Variants in ASAH1 observed in about 807,000 individuals in gnomAD.
ASAH1 encodes N-acylsphingosine amidohydrolase 1, also known as acid ceramidase.
Under a neutral mutation model 59.5 loss-of-function variants are expected in ASAH1, and 70 were observed. The observed-to-expected ratio is 1.18, with a 90% CI of 0.97 to 1.43. ASAH1 has a LOEUF of 1.43. ASAH1 is among the 40% of genes most tolerant of loss of function. ASAH1 has a pLI of 0.00. For missense variants in ASAH1, 660 were observed against 482.5 expected, an observed-to-expected ratio of 1.37 and a Z score of -3.45; for synonymous variants, 213 against 166.5, an observed-to-expected ratio of 1.28 and a Z score of -2.15.
chr8:18,057,379 T>C lies in ASAH1; in HGVS notation c.*155A>G, dbSNP rs1799514275. On this transcript the variant is annotated 3_prime_UTR_variant, in exon 14 of 14. Transcript: ENST00000637790. ...GATAGGGGGAAAAAAAAAAGATCTG[T>C]CATTTGTCAACAGATGGACGAAGAC... The C allele has an allele frequency of 2.0e-6, 1 of 499,850 alleles. No homozygotes were observed. The allele number at this position is 499,850 out of a possible 1,614,324, so 31.0% of individuals were successfully genotyped here. A position where few individuals can be genotyped will look rare whatever the true frequency, so the allele number is the denominator to read the frequency against.
At chr8:18,064,089 G>C (rs1292812738) in intron 6 of ASAH1, 4 of 382,666 alleles carry the variant, frequency 1.0e-5, no homozygotes, top group African/African-American at 6.2e-5. Flanking sequence ...TGTGTGTTCT[G>C]GGCCTCAAGA....
At chr8:18,070,430 G>A (rs952302600) in intron 3 of ASAH1, among the ~76,000 whole-genome samples, 3 of 152,192 alleles carry the variant, frequency 2.0e-5, no homozygotes, top group East Asian at 1.9e-4. Context: ...TTACAGGCAT[G>A]AGCCACCGCG....
intron 2 of ASAH1, among the ~76,000 whole-genome samples, chr8:18,072,798 T>C (rs1481355410): frequency 6.6e-6 from 1 of 152,208 alleles, no homozygotes; most frequent in African/African-American, 2.4e-5. Flanking sequence ...ACTGTGCATT[T>C]AGATTTCTAT....
intron 5 of ASAH1, chr8:18,066,870 T>C (rs913615235): frequency 3.3e-6 from 1 of 299,092 alleles, no homozygotes; most frequent in African/African-American, 2.1e-5. Context: ...ATACAAGAAA[T>C]CACACAGGAC....
chr8:18,062,652 C>CTT (rs1799754943), intron 7 of ASAH1: 1 of 550,188 alleles, frequency 1.8e-6, no homozygotes, highest in Non-Finnish European at 3.2e-6. Flanking sequence ...AAATAGTGAG[C>CTT]CTCAGATTCA....
chr8:18,064,151 C>T, intron 6 of ASAH1: 2 of 518,678 alleles, frequency 3.9e-6, no homozygotes, highest in East Asian at 3.1e-5. Flanking sequence ...CTCCTGCGAG[C>T]ACTTCCATCA....
At position 18,075,573 on chromosome 8, in the gene ASAH1, G is replaced by GT; in HGVS notation, c.92_93insA (p.Cys31Ter). Residue 31 changes from cysteine to a stop codon, truncating the protein, a stop_gained and frameshift_variant, in exon 2 of 14, where the codon TGC becomes TGAC. Coordinates refer to ENST00000637790, the MANE Select transcript of ASAH1 (RefSeq NM_177924.5). LOFTEE classifies it high-confidence loss of function. ...CTGAAGGAGGATAGGTTGATTTTCT[G>GT]CAGTCCTCTGTCCACTGAAAAGCAA... The part of the protein sequence containing the change: ...AQHAPPWTED[C>*]RKSTYPPSGP... The GT allele has an allele frequency of 6.2e-7, 1 of 1,614,114 alleles. No individual in the cohort carries two copies. Among genetic ancestry groups the GT allele is most frequent in the South Asian group, 1.1e-5 (1 of 91,086 alleles).
At chr8:18,061,298 G>C (rs1235843772) in intron 10 of ASAH1, 79 bp downstream of exon 10, 1 of 1,253,092 alleles carries the variant, frequency 8.0e-7, no homozygotes, top group Non-Finnish European at 1.1e-6. Context: ...GATTAAGCTG[G>C]AGCTTGACAA....
chr8:18,084,387 G>C, upstream of ASAH1: 1 of 1,401,020 alleles, frequency 7.1e-7, no homozygotes, highest in Non-Finnish European at 9.3e-7. Flanking sequence ...CCGCCCCGTA[G>C]GTGGGGCCGG....
In ASAH1 at chr8:18,061,743, G is replaced by A. The variant is rs1425283504; in HGVS notation, c.649-3C>T. The A allele has an allele frequency of 6.4e-7, 1 of 1,569,334 alleles. No homozygotes were observed. Among genetic ancestry groups the A allele is most frequent in the Non-Finnish European group, 8.7e-7 (1 of 1,155,574 alleles). ...TTCAGTGTAAGACTGAACAGTCCCT[G>A]AGAAAAAGACAAAGCAACGAAGTCA... On this transcript the variant is annotated splice_region_variant and splice_polypyrimidine_tract_variant and intron_variant, in intron 8 of 13. Transcript: ENST00000637790.
rs886062779 is a variant in ASAH1 at position 18,057,356 on chromosome 8, T to G, written c.*178A>C. On this transcript the variant is annotated 3_prime_UTR_variant, in exon 14 of 14. Coordinates refer to ENST00000637790, the MANE Select transcript of ASAH1 (RefSeq NM_177924.5). ...TCTGTAAATAAGAAAAATCAACTGATAGGGGGAAAAAAAAAAGATCTGTCA... is the reference window on the plus strand; with the variant it reads ...TCTGTAAATAAGAAAAATCAACTGAGAGGGGGAAAAAAAAAAGATCTGTCA... 2 of 437,000 alleles carry G rather than the reference T, an allele frequency of 4.6e-6. No individual in the cohort carries two copies. The highest frequency in any genetic ancestry group is 3.2e-5 in the Admixed American group (1 of 31,358). 27.1% of individuals were successfully genotyped at this position (437,000 alleles called of 1,614,324 possible).
intron 2 of ASAH1, chr8:18,073,144 C>G: frequency 2.9e-6 from 3 of 1,045,410 alleles, no homozygotes; most frequent in Non-Finnish European, 4.2e-6. Flanking sequence ...ATTTTAATGA[C>G]TAAAGCTTAG....
intron 1 of ASAH1, among the ~76,000 whole-genome samples, chr8:18,080,256 A>G (rs1317689598): frequency 6.6e-6 from 1 of 152,216 alleles, no homozygotes; most frequent in Non-Finnish European, 1.5e-5. Context: ...GATGCATAAA[A>G]ATGAGTTTAC....
chr8:18,062,535 T>C (rs1799750530), intron 7 of ASAH1, 112 bp from the exon 8 acceptor site: 2 of 1,194,000 alleles, frequency 1.7e-6, no homozygotes, highest in Non-Finnish European at 2.5e-6. Context: ...GTCACCACGA[T>C]CAATCCTAAC....
intron 1 of ASAH1, among the ~76,000 whole-genome samples, chr8:18,080,979 C>T (rs143539015): frequency 5.3e-5 from 8 of 152,324 alleles, no homozygotes; most frequent in Admixed American, 5.2e-4. Context: ...AGTTCATCTG[C>T]TCCAAGGGCT....
chr8:18,079,490 C>A (rs1800560518), intron 1 of ASAH1, among the ~76,000 whole-genome samples: 1 of 151,522 alleles, frequency 6.6e-6, no homozygotes, highest in African/African-American at 2.4e-5. Context: ...AATGAAAGCG[C>A]CATACCCTTA....
intron 3 of ASAH1, 142 bp from the exon 4 acceptor site, chr8:18,070,020 A>T (rs1800095971): frequency 3.6e-6 from 2 of 554,754 alleles, no homozygotes; most frequent in South Asian, 4.2e-5. Flanking sequence ...TCGCTCTGTC[A>T]CCCAGGCTGG....
chr8:18,074,047 T>C lies in ASAH1; in HGVS notation c.125+1494A>G, dbSNP rs192743916. Among the ~76,000 whole-genome samples the C allele has an allele frequency of 2.8e-3, 427 of 152,248 alleles. 3 individuals are homozygous for C. Among genetic ancestry groups the C allele is most frequent in the African/African-American group, 9.6e-3 (398 of 41,544 alleles). On this transcript the variant is annotated intron_variant, in intron 2 of 13. Coordinates refer to ENST00000637790, the MANE Select transcript of ASAH1 (RefSeq NM_177924.5). ...CAATAAGAGTCAGTAAAATGCCTAA[T>C]CAGGAAAGGTTTATGGTTTGCAGGG...
intron 3 of ASAH1, 57 bp downstream of exon 3, chr8:18,071,243 A>ATAAAT (rs1800157223): frequency 1.2e-6 from 1 of 824,616 alleles, no homozygotes. Flanking sequence ...ATAAAAATAA[A>ATAAAT]GAAATAAAAT....
Sources: allele counts gnomAD v4.1 joint callset (sites outside exome capture counted in the v4.1 genomes callset), GRCh38; gene constraint gnomAD v4.1.1; transcripts MANE v1.5; gene names NCBI Gene and HGNC (gene_info 2026-07-23, HGNC 2026-07-21).